CSPP1: variants seen among roughly 807,000 people sequenced by gnomAD.
CSPP1 encodes the protein centrosome and spindle pole-associated protein 1.
A neutral mutation model predicts 164.4 loss-of-function variants in CSPP1; 126 were observed. The ratio of observed to expected loss-of-function variants is 0.77; its 90% CI spans 0.66 to 0.89. The LOEUF (loss-of-function observed/expected upper bound fraction) is 0.89, where lower values mean the gene tolerates loss of function less well. CSPP1 is among the 40% of genes least tolerant of loss of function. CSPP1 has a pLI of 0.00. For synonymous variants in CSPP1, 472 were observed against 476.7 expected (o/e 0.99, Z 0.13); for missense variants, 1,395 against 1,449.8 (o/e 0.96, Z 0.61).
intron 15 of CSPP1, among the ~76,000 whole-genome samples, chr8:67,127,586 T>C (rs1820345681): frequency 6.6e-6 from 1 of 152,200 alleles, no homozygotes; most frequent in Admixed American, 6.5e-5. Context: ...ACCAGAATTA[T>C]TAAAAAGTTG....
rs1284136931 is a variant in CSPP1 at position 67,175,791 on chromosome 8, A to C, written c.3109+355A>C. Among the ~76,000 whole-genome samples the C allele has an allele frequency of 2.0e-5, 3 of 152,368 alleles. No individual in the cohort carries two copies. The South Asian group carries it at 6.2e-4, about 32-fold the overall frequency. On this transcript the variant is annotated intron_variant, in intron 26 of 30. Transcript: ENST00000678616. ...GTCATGATGTGTCGGGCATTTGCCT[A>C]CTGTGCCATGTCAGGCATTTGTCTA...
intron 6 of CSPP1, 148 bp downstream of exon 6, chr8:67,093,789 T>C: frequency 2.2e-6 from 1 of 453,718 alleles, no homozygotes; most frequent in Non-Finnish European, 3.9e-6. Context: ...ACAGGACATT[T>C]AAATATTTAG....
chr8:67,094,897 T>A (rs899459281), intron 6 of CSPP1, among the ~76,000 whole-genome samples: 2 of 152,228 alleles, frequency 1.3e-5, no homozygotes, highest in Non-Finnish European at 2.9e-5. Flanking sequence ...CTAGTTTACA[T>A]TTGATCATTT....
chr8:67,129,072 C>T lies in CSPP1; in HGVS notation c.1698-2879C>T, dbSNP rs1820685459. 3.3e-5 allele frequency among the ~76,000 whole-genome samples: 5 copies of T among 152,032 alleles called. No individual in the cohort carries two copies. In the South Asian group the frequency reaches 1.0e-3, roughly 32 times the overall value. Reference sequence around the variant, plus strand: ...TTATAAAATAAACTACTGTAATCTACCATGTTAACAGAATAAAGAAGAAAG... The same window carrying T: ...TTATAAAATAAACTACTGTAATCTATCATGTTAACAGAATAAAGAAGAAAG... On this transcript the variant is annotated intron_variant, in intron 15 of 30. Transcript: ENST00000678616.
chr8:67,177,167 G>A (rs559025476), intron 26 of CSPP1, among the ~76,000 whole-genome samples: 6 of 151,150 alleles, frequency 4.0e-5, no homozygotes, highest in African/African-American at 9.7e-5. Context: ...GCTATCATTC[G>A]CAGCTTGTTT....
intron 21 of CSPP1, among the ~76,000 whole-genome samples, 171 bp downstream of exon 21, chr8:67,159,308 C>T (rs1356089249): frequency 2.0e-5 from 3 of 151,988 alleles, no homozygotes; most frequent in Admixed American, 6.6e-5. Flanking sequence ...GAGGTACTGT[C>T]ACTGTGCTTT....
intron 16 of CSPP1, among the ~76,000 whole-genome samples, chr8:67,136,852 G>A (rs1435853707): frequency 6.6e-6 from 1 of 151,996 alleles, no homozygotes; most frequent in Non-Finnish European, 1.5e-5. Context: ...GAGAGGGAAT[G>A]GCTCAGGTAG....
intron 17 of CSPP1, among the ~76,000 whole-genome samples, chr8:67,145,747 C>T (rs1166466678): frequency 2.6e-5 from 4 of 151,952 alleles, no homozygotes; most frequent in African/African-American, 9.7e-5. Context: ...AGGCTGGTCT[C>T]GAACTCCTGA....
At chr8:67,121,780 G>GT (rs779697719) in intron 15 of CSPP1, among the ~76,000 whole-genome samples, 13 of 152,082 alleles carry the variant, frequency 8.5e-5, no homozygotes, top group Admixed American at 1.3e-4. Flanking sequence ...AAACCATAAG[G>GT]TACAGGGCTT....
intron 21 of CSPP1, 103 bp downstream of exon 21, chr8:67,159,240 T>C (rs1827252040): frequency 9.5e-7 from 1 of 1,051,954 alleles, no homozygotes. Flanking sequence ...AGGAGGTGCT[T>C]TTGTTCCTGT....
intron 26 of CSPP1, 80 bp from the exon 27 acceptor site, chr8:67,177,600 A>G: frequency 1.1e-6 from 1 of 897,658 alleles, no homozygotes; most frequent in Non-Finnish European, 1.8e-6. Flanking sequence ...GAGCTAGTCA[A>G]AAAAGATATT....
At chr8:67,124,973 A>G (rs1248613254) in intron 15 of CSPP1, among the ~76,000 whole-genome samples, 2 of 152,128 alleles carry the variant, frequency 1.3e-5, no homozygotes, top group South Asian at 2.1e-4. Flanking sequence ...GTGCCCATCC[A>G]TAGTTGTCTT....
At chr8:67,109,436 C>T (rs901927892) in intron 9 of CSPP1, among the ~76,000 whole-genome samples, 1 of 152,188 alleles carries the variant, frequency 6.6e-6, no homozygotes, top group African/African-American at 2.4e-5. Flanking sequence ...GATAATCTCT[C>T]TTTTAATTAC....
In CSPP1 at chr8:67,086,062, T is replaced by C. The variant is rs773100037; in HGVS notation, c.255T>C (p.His85=). 2 of 1,529,128 alleles carry C rather than the reference T, an allele frequency of 1.3e-6. No individual in the cohort carries two copies. Among genetic ancestry groups the C allele is most frequent in the Non-Finnish European group, 1.8e-6 (2 of 1,102,760 alleles). The allele number at this position is 1,529,128 out of a possible 1,614,324, so 94.7% of individuals were successfully genotyped here. The stretch of plus-strand genomic sequence containing the variant: ...GAGAAGACTATGAACGGAAGAAACA[T>C]AAATTAAAAGAAGAATTGCGGCAAG... ...PLGEDYERKK[H]KLKEELRQDY... The change falls in exon 4 of 31, where the codon CAT becomes CAC. Residue 85 remains histidine (H), a synonymous_variant. Transcript: ENST00000678616.
At chr8:67,078,464 G>A (rs2129542051) in intron 3 of CSPP1, among the ~76,000 whole-genome samples, 1 of 152,022 alleles carries the variant, frequency 6.6e-6, no homozygotes, top group Non-Finnish European at 1.5e-5. Flanking sequence ...TCCCTCCTCA[G>A]CCTCCAAGTA....
chr8:67,130,107 G>C (rs1820907394), intron 15 of CSPP1, among the ~76,000 whole-genome samples: 1 of 152,060 alleles, frequency 6.6e-6, no homozygotes, highest in Non-Finnish European at 1.5e-5. Flanking sequence ...TTTCTTATGT[G>C]GGAGTTCCAT....
At chr8:67,139,506 G>A (rs2129555657) in intron 17 of CSPP1, among the ~76,000 whole-genome samples, 1 of 152,242 alleles carries the variant, frequency 6.6e-6, no homozygotes, top group East Asian at 1.9e-4. Context: ...TATACCCAAA[G>A]GATTATAAAA....
rs184725137 is a variant in CSPP1 at position 67,091,640 on chromosome 8, G to T, written c.304-163G>T. Reference sequence around the variant, plus strand: ...ATTCTCTTTTTTCCAAATGCTTTTGGTATGGTCTATATAGATTTGTAGTTT... The same window carrying T: ...ATTCTCTTTTTTCCAAATGCTTTTGTTATGGTCTATATAGATTTGTAGTTT... On this transcript the variant is annotated intron_variant, in intron 4 of 30. Transcript: ENST00000678616. 5.6e-4 allele frequency among the ~76,000 whole-genome samples: 85 copies of T among 152,156 alleles called. 1 individual carries two copies. Among genetic ancestry groups the T allele is most frequent in the Middle Eastern group, 3.4e-3 (1 of 294 alleles).
chr8:67,166,914 G>A (rs545929378), intron 24 of CSPP1, among the ~76,000 whole-genome samples: 1 of 152,120 alleles, frequency 6.6e-6, no homozygotes, highest in Non-Finnish European at 1.5e-5. Flanking sequence ...AGATTAGGGA[G>A]TGGTGATGAC....
Sources: allele counts gnomAD v4.1 joint callset (sites outside exome capture counted in the v4.1 genomes callset), GRCh38; gene constraint gnomAD v4.1.1; transcripts MANE v1.5; gene names NCBI Gene and HGNC (gene_info 2026-07-23, HGNC 2026-07-21).